The following DNMBP variants were observed in gnomAD, a reference collection of about 807,000 sequenced individuals.
DNMBP encodes dynamin binding protein.
DNMBP carries 87 observed loss-of-function variants against 150.0 expected under a neutral mutation model. The ratio of observed to expected loss-of-function variants is 0.58; its 90% CI spans 0.49 to 0.69. The LOEUF (loss-of-function observed/expected upper bound fraction) is 0.69. Ranked by LOEUF, DNMBP falls within the 30% of genes least tolerant of loss-of-function variation. DNMBP has a pLI of 0.00. For missense variants in DNMBP, 1,774 were observed against 1,949.0 expected (o/e 0.91, Z 1.69); for synonymous variants, 711 against 750.4 (o/e 0.95, Z 0.86).
At chr10:99,912,841 AAGACAC>A (rs1428371917) in intron 4 of DNMBP, among the ~76,000 whole-genome samples, 1 of 152,196 alleles carries the variant, frequency 6.6e-6, no homozygotes, top group Non-Finnish European at 1.5e-5. Context: ...GGTATTTCTG[AAGACAC>A]AGGTGACCTT....
At chr10:99,937,122 G>C (rs1408409459) in intron 4 of DNMBP, among the ~76,000 whole-genome samples, 2 of 151,942 alleles carry the variant, frequency 1.3e-5, no homozygotes, top group Non-Finnish European at 2.9e-5. Context: ...GGCTGGTCTT[G>C]AACTCCTGAA....
At chr10:99,972,787 T>A (rs1186895467) in intron 1 of DNMBP, among the ~76,000 whole-genome samples, 1 of 152,180 alleles carries the variant, frequency 6.6e-6, no homozygotes, top group East Asian at 1.9e-4. Flanking sequence ...TTTATTTTTA[T>A]TTTTTGAGAT....
At chr10:100,000,461 C>T (rs976299207) in intron 1 of DNMBP, among the ~76,000 whole-genome samples, 1 of 152,162 alleles carries the variant, frequency 6.6e-6, no homozygotes, top group Non-Finnish European at 1.5e-5. Flanking sequence ...CATTCACATG[C>T]TACTTTCGGG....
chr10:99,907,299 A>C (rs765716391), intron 6 of DNMBP, among the ~76,000 whole-genome samples: 1 of 151,708 alleles, frequency 6.6e-6, no homozygotes, highest in Non-Finnish European at 1.5e-5. Flanking sequence ...CTGCACTCCA[A>C]CCTGGGCGAC....
chr10:99,900,177 G>C, intron 6 of DNMBP, 111 bp from the exon 7 acceptor site: 3 of 1,006,594 alleles, frequency 3.0e-6, no homozygotes, highest in Non-Finnish European at 4.5e-6. Context: ...CCTATTACAA[G>C]AAATGATACT....
chr10:99,983,175 A>G (rs1020061320), intron 1 of DNMBP, among the ~76,000 whole-genome samples: 3 of 152,138 alleles, frequency 2.0e-5, no homozygotes, highest in African/African-American at 7.2e-5. Flanking sequence ...GAGCATCCTT[A>G]TGTTTTGGAA....
In DNMBP at chr10:99,892,336, G is replaced by C. The variant is rs1053505160; in HGVS notation, c.3156+2610C>G. Among the ~76,000 whole-genome samples the C allele has an allele frequency of 2.5e-4, 36 of 146,346 alleles. No individual in the cohort carries two copies. The East Asian group carries it at 7.0e-3, about 28-fold the overall frequency. On this transcript the variant is annotated intron_variant, in intron 11 of 16. Coordinates refer to ENST00000324109, the MANE Select transcript of DNMBP (RefSeq NM_015221.4). ...AGAAAGGCGGGAAAGGTGGGGAAAAGATTGAGAAATCGGATGGTTGCCGTG... is the reference window on the plus strand; with the variant it reads ...AGAAAGGCGGGAAAGGTGGGGAAAACATTGAGAAATCGGATGGTTGCCGTG...
intron 6 of DNMBP, among the ~76,000 whole-genome samples, chr10:99,904,196 A>G (rs796376612): frequency 4.6e-5 from 7 of 152,280 alleles, no homozygotes; most frequent in African/African-American, 1.7e-4. Context: ...TAGAGGCTGC[A>G]GTGAGCTGTG....
chr10:99,975,398 G>T (rs1363891253), intron 1 of DNMBP, among the ~76,000 whole-genome samples: 1 of 151,832 alleles, frequency 6.6e-6, no homozygotes, highest in Non-Finnish European at 1.5e-5. Context: ...ACACTGATGT[G>T]GATAAACATA....
At chr10:99,919,668 C>T (rs1188867328) in intron 4 of DNMBP, among the ~76,000 whole-genome samples, 1 of 152,130 alleles carries the variant, frequency 6.6e-6, no homozygotes, top group Non-Finnish European at 1.5e-5. Context: ...TGGCGTGCGC[C>T]ACCAGCTACT....
At chr10:99,900,495 G>C (rs916068939) in intron 6 of DNMBP, among the ~76,000 whole-genome samples, 10 of 151,964 alleles carry the variant, frequency 6.6e-5, no homozygotes, top group African/African-American at 2.4e-4. Flanking sequence ...ATTTGTTTTA[G>C]AACAAACACA....
chr10:99,958,210 T>C (rs1212290884), intron 3 of DNMBP: 1 of 152,226 alleles, frequency 6.6e-6, no homozygotes, highest in Non-Finnish European at 1.5e-5. Context: ...AGTCACTGTA[T>C]GGTCATCGTA....
At chr10:99,918,397 T>C (rs2039989712) in intron 4 of DNMBP, among the ~76,000 whole-genome samples, 1 of 152,026 alleles carries the variant, frequency 6.6e-6, no homozygotes, top group African/African-American at 2.4e-5. Flanking sequence ...TGGCTTTTGC[T>C]CTGTAATGTC....
At chr10:99,886,758 A>G in intron 12 of DNMBP, 126 bp from the exon 13 acceptor site, 1 of 770,046 alleles carries the variant, frequency 1.3e-6, no homozygotes, top group Non-Finnish European at 2.1e-6. Flanking sequence ...TACACAAGCT[A>G]AACCCATACA....
intron 14 of DNMBP, among the ~76,000 whole-genome samples, chr10:99,884,486 TA>T (rs369850435): frequency 7.2e-5 from 11 of 152,068 alleles, no homozygotes; most frequent in African/African-American, 2.2e-4. Flanking sequence ...AAATGCCACT[TA>T]AAAAAAATCA....
chr10:99,889,542 G>C (rs973050497), intron 11 of DNMBP: 1 of 152,242 alleles, frequency 6.6e-6, no homozygotes, highest in South Asian at 2.1e-4. Flanking sequence ...GCTCCACAAA[G>C]GTAGAGACTT....
chr10:99,915,094 C>CAAAAA (rs1290992306), intron 4 of DNMBP, among the ~76,000 whole-genome samples: 75 of 81,536 alleles, frequency 9.2e-4, no homozygotes, highest in African/African-American at 3.1e-3. Flanking sequence ...AACTCTGTCT[C>CAAAAA]AAAAAAAAAA....
At chr10:99,958,979 C>A (rs1316252316) in intron 3 of DNMBP, among the ~76,000 whole-genome samples, 1 of 152,152 alleles carries the variant, frequency 6.6e-6, no homozygotes, top group African/African-American at 2.4e-5. Flanking sequence ...ATTAAAATAC[C>A]TTTTCCTGTC....
chr10:100,003,506 TAAAAATGTCAGA>T (rs1336734564), intron 1 of DNMBP, among the ~76,000 whole-genome samples: 1 of 152,190 alleles, frequency 6.6e-6, no homozygotes, highest in African/African-American at 2.4e-5. Context: ...TCCAAAATTA[TAAAAATGTCAGA>T]AAAATGAGCT....
Sources: gnomAD v4.1 joint callset for allele counts (sites outside exome capture counted in the v4.1 genomes callset) on GRCh38, gnomAD v4.1.1 for gene constraint, MANE v1.5 for transcripts, NCBI Gene and HGNC (gene_info 2026-07-23, HGNC 2026-07-21) for gene names.